DMD: variants seen among roughly 807,000 people sequenced by gnomAD.
DMD encodes the protein dystrophin, also known as mutant dystrophin.
A neutral mutation model predicts 330.1 loss-of-function variants in DMD; 63 were observed. The ratio of observed to expected loss-of-function variants is 0.19; its 90% CI spans 0.16 to 0.24. DMD has a LOEUF of 0.24. DMD is among the 10% of genes least tolerant of loss of function. The pLI is 1.00. For missense variants in DMD, 3,344 were observed against 2,684.1 expected (o/e 1.25, Z -5.43); for synonymous variants, 1,223 against 959.8 (o/e 1.27, Z -5.07).
At chrX:33,199,287 G>A (rs1300402084) in intron 1 of DMD, among the ~76,000 whole-genome samples, 1 of 111,194 alleles carries the variant, frequency 9.0e-6, no homozygotes, top group African/African-American at 3.3e-5. Context: ...TGATGGTAGA[G>A]GAGATAAAGA....
At chrX:31,356,718 C>T (rs2096751192) in intron 60 of DMD, among the ~76,000 whole-genome samples, 1 of 112,066 alleles carries the variant, frequency 8.9e-6, no homozygotes, top group Non-Finnish European at 1.9e-5. Context: ...CTGCCTCATT[C>T]TGTGATAATG....
At chrX:32,134,681 C>T (rs1453603613) in intron 44 of DMD, among the ~76,000 whole-genome samples, 2 of 111,496 alleles carry the variant, frequency 1.8e-5, no homozygotes, top group Non-Finnish European at 3.8e-5. Flanking sequence ...TCTTCCAGCG[C>T]TATATTATTT....
At chrX:32,155,412 GC>G in intron 44 of DMD, 3 of 754,343 alleles carry the variant, frequency 4.0e-6, no homozygotes, top group Non-Finnish European at 4.7e-6. Context: ...CCCCACGGAT[GC>G]TTTTAGTTCA....
intron 1 of DMD, among the ~76,000 whole-genome samples, chrX:33,217,949 G>T (rs764768324): frequency 9.0e-6 from 1 of 111,153 alleles, no homozygotes; most frequent in East Asian, 2.8e-4. Context: ...TTTTACACTA[G>T]CTAGAACTTC....
At chrX:32,861,005 G>A (rs1271871435) in intron 2 of DMD, among the ~76,000 whole-genome samples, 1 of 112,038 alleles carries the variant, frequency 8.9e-6, no homozygotes, top group Non-Finnish European at 1.9e-5. Flanking sequence ...ATGGTATGAT[G>A]CCATGAATAA....
chrX:31,343,956 T>C (rs1038051107), intron 61 of DMD, among the ~76,000 whole-genome samples: 1 of 108,357 alleles, frequency 9.2e-6, no homozygotes, highest in Non-Finnish European at 1.9e-5. Context: ...ACTTCAGAGA[T>C]GTCCTGCTTC....
At chrX:32,340,237 G>T (rs1053346617) in intron 41 of DMD, among the ~76,000 whole-genome samples, 2 of 111,567 alleles carry the variant, frequency 1.8e-5, no homozygotes, top group Admixed American at 1.9e-4. Context: ...TCTTCATACA[G>T]ATTGTGATTA....
chrX:31,398,011 T>C (rs1042360567), intron 60 of DMD, among the ~76,000 whole-genome samples: 2 of 112,566 alleles, frequency 1.8e-5, no homozygotes, highest in Non-Finnish European at 3.7e-5. Context: ...TTGACTTATG[T>C]GCTAAGAATA....
chrX:32,353,380 CT>C (rs1382222625), intron 37 of DMD, among the ~76,000 whole-genome samples: 3 of 111,816 alleles, frequency 2.7e-5, no homozygotes. Flanking sequence ...AATTTAACAG[CT>C]CATTCTTGAG....
At chrX:32,916,413 A>G (rs1444024463) in intron 2 of DMD, among the ~76,000 whole-genome samples, 3 of 111,952 alleles carry the variant, frequency 2.7e-5, no homozygotes, top group Non-Finnish European at 5.6e-5. Context: ...ACTTGATTCC[A>G]ATGTCCAGAA....
chrX:33,241,707 A>G lies in DMD; in HGVS notation c.7+97552T>C, dbSNP rs1208281865. On this transcript the variant is annotated intron_variant, in intron 1 of 17. Coordinates refer to the DMD transcript ENST00000288447. The stretch of plus-strand genomic sequence containing the variant: ...GTGGCTTCTTCAATTGCTTTCATCA[A>G]TGTCTTACAGTTTCCAGGTCTTTCA... Among the ~76,000 whole-genome samples, 3 of 111,639 alleles carry G rather than the reference A, an allele frequency of 2.7e-5. No homozygotes were observed. In the East Asian group the frequency reaches 8.4e-4, roughly 31 times the overall value.
intron 18 of DMD, among the ~76,000 whole-genome samples, chrX:32,506,819 T>C (rs983557883): frequency 3.6e-5 from 4 of 112,048 alleles, no homozygotes; most frequent in Non-Finnish European, 7.5e-5. Context: ...AAAGACAGTA[T>C]TGAATTGTTT....
intron 1 of DMD, among the ~76,000 whole-genome samples, chrX:33,095,841 T>C (rs2095150492): frequency 9.0e-6 from 1 of 111,084 alleles, no homozygotes; most frequent in African/African-American, 3.3e-5. Context: ...CATATTTACA[T>C]GATATCCAAA....
chrX:32,073,950 C>T (rs776736271), intron 44 of DMD, among the ~76,000 whole-genome samples: 6 of 110,521 alleles, frequency 5.4e-5, no homozygotes, highest in South Asian at 3.8e-4. Context: ...AATAGTTGCT[C>T]GATTATATTC....
At chrX:31,274,862 G>A in intron 62 of DMD, among the ~76,000 whole-genome samples, 1 of 111,026 alleles carries the variant, frequency 9.0e-6, no homozygotes. Flanking sequence ...GGAGTGTTTG[G>A]AGAATGACAT....
chrX:32,860,965 G>C (rs2082033364), intron 2 of DMD, among the ~76,000 whole-genome samples: 1 of 111,874 alleles, frequency 8.9e-6, no homozygotes, highest in African/African-American at 3.2e-5. Flanking sequence ...AAGTCACACT[G>C]ATAAAATATG....
intron 6 of DMD, among the ~76,000 whole-genome samples, chrX:32,814,364 G>A (rs1213330507): frequency 8.9e-6 from 1 of 112,325 alleles, no homozygotes; most frequent in African/African-American, 3.2e-5. Context: ...ATGACACTTA[G>A]TCAATCCTTA....
intron 2 of DMD, among the ~76,000 whole-genome samples, chrX:32,966,607 T>A (rs1255989803): frequency 8.9e-6 from 1 of 111,774 alleles, no homozygotes; most frequent in Non-Finnish European, 1.9e-5. Context: ...TGGATGTAAG[T>A]TGAGTAGCTG....
rs919619065 is a variant in DMD at position 32,811,888 on chromosome X, C to T, written c.531-2277G>A. Among the ~76,000 whole-genome samples the T allele has an allele frequency of 2.7e-5, 3 of 111,404 alleles. No individual in the cohort carries two copies. The East Asian group carries it at 8.4e-4, about 31-fold the overall frequency. ...ATAATAGAATTCTAAGTTGTGTGAG[C>T]GTTAGAGAATTAAAGTTCTTAGGGA... On this transcript the variant is annotated intron_variant, in intron 6 of 78. Transcript: ENST00000357033.
Sources: gnomAD v4.1 joint callset for allele counts (sites outside exome capture counted in the v4.1 genomes callset) on GRCh38, gnomAD v4.1.1 for gene constraint, MANE v1.5 for transcripts, NCBI Gene and HGNC (gene_info 2026-07-23, HGNC 2026-07-21) for gene names.